RPH3AL: variants seen among roughly 807,000 people sequenced by gnomAD.
RPH3AL encodes the protein rabphilin 3A like (without C2 domains).
RPH3AL carries 38 observed loss-of-function variants against 43.1 expected under a neutral mutation model. That is an observed-to-expected ratio of 0.88 (90% CI 0.68 to 1.15). The LOEUF (loss-of-function observed/expected upper bound fraction) is 1.15, where lower values mean the gene tolerates loss of function less well. Among genes scored for constraint, RPH3AL ranks in the 50% most tolerant of loss-of-function variants. The probability of loss-of-function intolerance (pLI) is 0.00; values close to 1 mark genes in which losing one functional copy is unlikely to be tolerated. For synonymous variants in RPH3AL, 189 were observed against 176.3 expected (o/e 1.07, Z -0.57); for missense variants, 462 against 423.2 (o/e 1.09, Z -0.81).
intron 1 of RPH3AL, among the ~76,000 whole-genome samples, chr17:345,472 G>C (rs2045217491): frequency 7.4e-6 from 1 of 134,764 alleles, no homozygotes; most frequent in African/African-American, 2.5e-5. Context: ...AGCTGGAAGG[G>C]GGAATCCCTG....
intron 7 of RPH3AL, among the ~76,000 whole-genome samples, chr17:239,102 G>C (rs1159612704): frequency 1.3e-5 from 2 of 152,152 alleles, no homozygotes; most frequent in Non-Finnish European, 2.9e-5. Flanking sequence ...GGAATACCCT[G>C]CTGGGACCCA....
chr17:344,113 C>T (rs1170195943), intron 1 of RPH3AL, among the ~76,000 whole-genome samples: 1 of 132,052 alleles, frequency 7.6e-6, no homozygotes, highest in African/African-American at 2.6e-5. Flanking sequence ...TATTCACCTC[C>T]AGTCATCATC....
At chr17:325,646 C>T (rs2044602052) in intron 3 of RPH3AL, among the ~76,000 whole-genome samples, 1 of 152,214 alleles carries the variant, frequency 6.6e-6, no homozygotes. Flanking sequence ...CTGTTATCAC[C>T]GTCAAAGCAA....
At chr17:305,655 C>A (rs925549471) in intron 5 of RPH3AL, among the ~76,000 whole-genome samples, 1 of 152,092 alleles carries the variant, frequency 6.6e-6, no homozygotes, top group Non-Finnish European at 1.5e-5. Context: ...CAGGCAGGTT[C>A]GAGGGAAGAA....
At chr17:257,066 C>T (rs1310220551) in intron 6 of RPH3AL, among the ~76,000 whole-genome samples, 11 of 38,558 alleles carry the variant, frequency 2.9e-4, no homozygotes, top group African/African-American at 6.3e-4. Flanking sequence ...AGCCGCACGG[C>T]GTCTGTCCTT....
intron 5 of RPH3AL, among the ~76,000 whole-genome samples, chr17:313,868 C>T (rs1158721437): frequency 2.6e-5 from 4 of 152,178 alleles, no homozygotes; most frequent in African/African-American, 9.7e-5. Context: ...CACCATCCAG[C>T]TGTGCTCCCC....
chr17:247,285 C>A lies in RPH3AL; in HGVS notation c.439G>T (p.Val147Phe). The A allele has an allele frequency of 6.4e-7, 1 of 1,570,606 alleles. No homozygotes were observed. Among genetic ancestry groups the A allele is most frequent in the Non-Finnish European group, 8.6e-7 (1 of 1,156,654 alleles). ...AACCAGGCCCCCGACCTCTTCCAGA[C>A]CTGAGTGGGGGAAGAGAGCTGCTTG... ...LCKICSEQREVWKRSGAWFYK... is the reference protein window; with the variant it reads ...LCKICSEQREFWKRSGAWFYK... The change falls in exon 7 of 10, where the codon GTC becomes TTC. Residue 147 changes from valine (V) to phenylalanine (F), a missense_variant and splice_region_variant. Transcript: ENST00000331302.
At chr17:320,863 G>A (rs116414431) in intron 4 of RPH3AL, among the ~76,000 whole-genome samples, 2,140 of 152,364 alleles carry the variant, frequency 0.014, 49 homozygotes, top group African/African-American at 0.044. Context: ...GGAGAGGCAC[G>A]TAGAGCCAGG....
intron 8 of RPH3AL, among the ~76,000 whole-genome samples, chr17:218,585 A>G (rs562683248): frequency 1.3e-5 from 2 of 152,148 alleles, no homozygotes; most frequent in Admixed American, 6.5e-5. Context: ...CCCAGTTCCG[A>G]CCTGTGGAGT....
At chr17:236,532 C>T (rs372623938) in intron 7 of RPH3AL, among the ~76,000 whole-genome samples, 24 of 132,474 alleles carry the variant, frequency 1.8e-4, no homozygotes, top group Non-Finnish European at 3.2e-5. Flanking sequence ...CAAGTATGGA[C>T]GTGAGGTCCT....
At chr17:229,058 A>G (rs2041167556) in intron 7 of RPH3AL, among the ~76,000 whole-genome samples, 1 of 152,234 alleles carries the variant, frequency 6.6e-6, no homozygotes, top group Middle Eastern at 3.2e-3. Flanking sequence ...AAGCCTATAC[A>G]TATTTTTAAA....
intron 6 of RPH3AL, among the ~76,000 whole-genome samples, chr17:267,022 G>A (rs776199335): frequency 2.6e-5 from 4 of 152,200 alleles, no homozygotes; most frequent in South Asian, 4.1e-4. Context: ...TCTGTGCCCC[G>A]TGGGCACCCC....
At chr17:306,076 G>C (rs1333112661) in intron 5 of RPH3AL, among the ~76,000 whole-genome samples, 1 of 149,850 alleles carries the variant, frequency 6.7e-6, no homozygotes, top group Non-Finnish European at 1.5e-5. Flanking sequence ...ACCCAGGCTG[G>C]TCTCAGACTC....
chr17:226,513 C>T (rs1468500226), intron 7 of RPH3AL, among the ~76,000 whole-genome samples: 6 of 152,146 alleles, frequency 3.9e-5, no homozygotes, highest in Admixed American at 3.3e-4. Flanking sequence ...AAACACCACT[C>T]GAAAGAAATA....
chr17:213,915 G>C lies in RPH3AL; in HGVS notation c.885C>G (p.Asp295Glu). ...CAGCAGCGGGGGCTCGTCCAGGTGT[G>C]TCTTTTACCTTTGGATGAGAGAAAA... ...PGLTRRAPVKDTPGRAPAADA... is the reference protein window; with the variant it reads ...PGLTRRAPVKETPGRAPAADA... Residue 295 changes from aspartate to glutamate, a missense_variant, in exon 10 of 10, where the codon GAC (aspartate) becomes GAG (glutamate). Asp to Glu is a conservative substitution (Grantham distance 45). Transcript: ENST00000331302. 6.2e-7 allele frequency: 1 copy of C among 1,612,938 alleles called. No individual in the cohort carries two copies. Among genetic ancestry groups the C allele is most frequent in the South Asian group, 1.1e-5 (1 of 90,992 alleles).
chr17:272,591 T>A (rs1161405493), intron 6 of RPH3AL, among the ~76,000 whole-genome samples: 4 of 103,476 alleles, frequency 3.9e-5, no homozygotes, highest in Admixed American at 1.5e-4. Flanking sequence ...AACATCACAC[T>A]CCAGGGACTG....
chr17:348,306 G>A (rs1316445740), intron 1 of RPH3AL, among the ~76,000 whole-genome samples: 4 of 152,274 alleles, frequency 2.6e-5, no homozygotes, highest in African/African-American at 9.6e-5. Flanking sequence ...CTCCCCACAT[G>A]TCCTTACACA....
rs773629074 is a variant in RPH3AL, at chr17:281,761, G to A, written c.438+7C>T. The stretch of plus-strand genomic sequence containing the variant: ...AGCCCTCCCCACCGTCACCCTGGAC[G>A]CCCTACCTCTCTTTGCTCACTGCAG... On this transcript the variant is annotated splice_region_variant and intron_variant, in intron 6 of 9. Transcript: ENST00000331302. 1.4e-5 allele frequency: 23 copies of A among 1,602,662 alleles called. No homozygotes were observed. Among genetic ancestry groups the A allele is most frequent in the Non-Finnish European group, 1.7e-5 (20 of 1,172,898 alleles).
At chr17:233,684 G>T (rs953821773) in intron 7 of RPH3AL, among the ~76,000 whole-genome samples, 4 of 152,184 alleles carry the variant, frequency 2.6e-5, no homozygotes, top group Non-Finnish European at 5.9e-5. Context: ...ACCCCTATTG[G>T]TCTGTCTTCT....
Sources: gnomAD v4.1 joint callset for allele counts (sites outside exome capture counted in the v4.1 genomes callset) on GRCh38, gnomAD v4.1.1 for gene constraint, MANE v1.5 for transcripts, NCBI Gene and HGNC (gene_info 2026-07-23, HGNC 2026-07-21) for gene names.